The following NBAS variants were observed in gnomAD, a reference collection of about 807,000 sequenced individuals.
The protein encoded by NBAS is NBAS subunit of NRZ tethering complex, also known as NAG/BC035112 fusion.
NBAS carries 219 observed loss-of-function variants against 302.5 expected under a neutral mutation model. The ratio of observed to expected loss-of-function variants is 0.72; its 90% CI spans 0.65 to 0.81. NBAS has a LOEUF of 0.81. NBAS is among the 30% of genes least tolerant of loss of function. The pLI, the probability that NBAS is intolerant of heterozygous loss-of-function variation, is 0.00. For synonymous variants in NBAS, 1,118 were observed against 1,021.6 expected, an observed-to-expected ratio of 1.09 and a Z score of -1.80; for missense variants, 2,932 against 2,841.6, an observed-to-expected ratio of 1.03 and a Z score of -0.72.
chr2:15,284,415 G>C (rs1669953244), intron 42 of NBAS, among the ~76,000 whole-genome samples: 1 of 152,134 alleles, frequency 6.6e-6, no homozygotes. Context: ...AATAGGATTT[G>C]TTTGATCTAG....
At chr2:15,106,451 G>GTCTCTCTCTC in the NBAS span, among the ~76,000 whole-genome samples, 1,575 of 147,940 alleles carry the variant, frequency 0.011, 27 homozygotes, top group Middle Eastern at 0.034. Context: ...CTCTGTCTCT[G>GTCTCTCTCTC]TCTCTCTCTC....
At chr2:15,234,810 A>T in intron 45 of NBAS, 63 bp from the exon 46 acceptor site, 1 of 1,513,862 alleles carries the variant, frequency 6.6e-7, no homozygotes, top group Admixed American at 1.7e-5. Flanking sequence ...CTACATGCAC[A>T]AAGTGAAACA....
At chr2:14,970,118 T>C in the NBAS span, among the ~76,000 whole-genome samples, 1 of 152,210 alleles carries the variant, frequency 6.6e-6, no homozygotes, top group South Asian at 2.1e-4. Flanking sequence ...AAATAAACTT[T>C]TAGAAAAATC....
At chr2:15,025,133 A>G in the NBAS span, among the ~76,000 whole-genome samples, 3 of 152,142 alleles carry the variant, frequency 2.0e-5, no homozygotes, top group Admixed American at 2.0e-4. Flanking sequence ...TCTTGAGTTG[A>G]TTTTTGTATA....
the NBAS span, among the ~76,000 whole-genome samples, chr2:15,016,165 T>C: frequency 1.3e-5 from 2 of 152,090 alleles, no homozygotes; most frequent in Non-Finnish European, 1.5e-5. Context: ...GGAGGCCTCA[T>C]AATCATGGCA....
chr2:15,403,864 C>T (rs1033034179), intron 25 of NBAS, among the ~76,000 whole-genome samples: 4 of 135,412 alleles, frequency 3.0e-5, no homozygotes, highest in African/African-American at 5.6e-5. Flanking sequence ...TTCCTTCCTT[C>T]GTGTGTGTGT....
intron 44 of NBAS, among the ~76,000 whole-genome samples, chr2:15,259,884 G>T (rs1035760716): frequency 6.6e-6 from 1 of 152,120 alleles, no homozygotes; most frequent in Non-Finnish European, 1.5e-5. Flanking sequence ...TTTATGCTGG[G>T]CTCTCTTCCC....
At chr2:15,526,972 A>G (rs113617887) in intron 9 of NBAS, among the ~76,000 whole-genome samples, 4 of 152,330 alleles carry the variant, frequency 2.6e-5, no homozygotes, top group African/African-American at 9.6e-5. Context: ...AATGCCAGGA[A>G]AAAAGAAATC....
At chr2:15,440,202 T>A (rs1678288474) in intron 21 of NBAS, among the ~76,000 whole-genome samples, 1 of 152,144 alleles carries the variant, frequency 6.6e-6, no homozygotes, top group Non-Finnish European at 1.5e-5. Flanking sequence ...GCAGACTGCC[T>A]CCTCAAGTGG....
intron 21 of NBAS, among the ~76,000 whole-genome samples, chr2:15,435,397 C>T (rs1677961973): frequency 6.6e-6 from 1 of 152,136 alleles, no homozygotes. Flanking sequence ...TCAACTCTGC[C>T]CAGCCTATGT....
intron 44 of NBAS, among the ~76,000 whole-genome samples, chr2:15,271,140 G>C (rs1170660637): frequency 1.3e-5 from 2 of 152,142 alleles, no homozygotes; most frequent in East Asian, 3.8e-4. Flanking sequence ...CCAACAGGCT[G>C]AATAATAGGA....
At chr2:15,433,951 G>T (rs965285844) in intron 21 of NBAS, among the ~76,000 whole-genome samples, 1 of 141,756 alleles carries the variant, frequency 7.1e-6, no homozygotes, top group Non-Finnish European at 1.5e-5. Context: ...AAAGAAAAAG[G>T]AAAAAAAAAA....
At position 15,276,995 on chromosome 2, in the gene NBAS, G is replaced by A; in HGVS notation, c.5245C>T (p.Pro1749Ser). ...FHQHMVKYIY[P>S]TIGGFDHERL... The stretch of plus-strand genomic sequence containing the variant: ...TCGTGATCAAAGCCACCAATAGTAG[G>A]GTAAATATACTTGACCATGTGCTGG... The change falls in exon 43 of 52, where the codon CCT becomes TCT. Residue 1749 changes from proline to serine, a missense_variant. By Grantham distance (74) the Pro-to-Ser change is moderately conservative. Transcript: ENST00000281513. The A allele has an allele frequency of 1.2e-6, 2 of 1,613,880 alleles. No homozygotes were observed. Among genetic ancestry groups the A allele is most frequent in the Non-Finnish European group, 8.5e-7 (1 of 1,179,934 alleles).
the NBAS span, among the ~76,000 whole-genome samples, chr2:14,979,376 TCAGTGGTC>T: frequency 6.6e-6 from 1 of 152,208 alleles, no homozygotes; most frequent in Non-Finnish European, 1.5e-5. Flanking sequence ...GTTCTATTTA[TCAGTGGTC>T]AGGGTAATAC....
intron 17 of NBAS, 88 bp downstream of exon 17, chr2:15,468,294 A>G: frequency 6.7e-7 from 1 of 1,484,852 alleles, no homozygotes; most frequent in Non-Finnish European, 9.4e-7. Flanking sequence ...TAACTTAAAT[A>G]AAGAAAAGTT....
the NBAS span, among the ~76,000 whole-genome samples, chr2:14,953,170 G>A: frequency 7.3e-4 from 111 of 152,270 alleles, no homozygotes; most frequent in African/African-American, 2.5e-3. Flanking sequence ...AGGGCTGGAC[G>A]GGCCACACTT....
the NBAS span, among the ~76,000 whole-genome samples, chr2:14,874,431 C>G: frequency 6.7e-6 from 1 of 149,462 alleles, no homozygotes; most frequent in African/African-American, 2.5e-5. Context: ...TTGAGACTAT[C>G]CTGTCTAACA....
the NBAS span, among the ~76,000 whole-genome samples, chr2:14,970,946 G>A: frequency 6.6e-6 from 1 of 152,162 alleles, no homozygotes; most frequent in Admixed American, 6.5e-5. Context: ...CAGCAGAGTG[G>A]TAATATTAAC....
At chr2:14,798,640 G>A in the NBAS span, among the ~76,000 whole-genome samples, 401 of 152,142 alleles carry the variant, frequency 2.6e-3, 1 homozygote, top group African/African-American at 8.1e-3. Flanking sequence ...GAACAGTTGC[G>A]TAGAATTGAT....
Sources: gnomAD v4.1 joint callset for allele counts (sites outside exome capture counted in the v4.1 genomes callset) on GRCh38, gnomAD v4.1.1 for gene constraint, MANE v1.5 for transcripts, NCBI Gene and HGNC (gene_info 2026-07-23, HGNC 2026-07-21) for gene names.